The following LRRC37A2 variants were observed in gnomAD, a reference collection of about 807,000 sequenced individuals.
The protein encoded by LRRC37A2 is leucine rich repeat containing 37 member A2.
In LRRC37A2, 9 loss-of-function variants were observed where a neutral mutation model predicts 68.8. The ratio of observed to expected loss-of-function variants is 0.13; its 90% CI spans 0.08 to 0.23. LRRC37A2 has a LOEUF of 0.23. LRRC37A2 is among the 10% of genes least tolerant of loss of function. LRRC37A2 has a pLI of 1.00. For missense variants in LRRC37A2, 168 were observed against 950.4 expected (o/e 0.18, Z 10.82); for synonymous variants, 63 against 367.6 (o/e 0.17, Z 9.48).
At chr17:46,782,656 A>C in the LRRC37A2 span, among the ~76,000 whole-genome samples, 1 of 152,184 alleles carries the variant, frequency 6.6e-6, no homozygotes, top group Non-Finnish European at 1.5e-5. Flanking sequence ...ATGTGTGCAC[A>C]CCGTGGGGCT....
chr17:46,814,911 C>T, the LRRC37A2 span, among the ~76,000 whole-genome samples: 3 of 152,136 alleles, frequency 2.0e-5, no homozygotes, highest in South Asian at 2.1e-4. Context: ...CCTGGGATGG[C>T]GAGAACTCAG....
At chr17:46,907,381 C>T in the LRRC37A2 span, among the ~76,000 whole-genome samples, 1 of 151,724 alleles carries the variant, frequency 6.6e-6, no homozygotes, top group Non-Finnish European at 1.5e-5. Context: ...AGTGAGTACT[C>T]GGGGCACCTG....
At chr17:46,781,228 C>G in the LRRC37A2 span, among the ~76,000 whole-genome samples, 3 of 52,336 alleles carry the variant, frequency 5.7e-5, no homozygotes, top group African/African-American at 2.8e-4. Context: ...TCTGTCCCCC[C>G]AACCAAAAAA....
At chr17:47,020,781 C>CAAAAAAAAAAAAAAAAAAAAAAAAAAA in the LRRC37A2 span, among the ~76,000 whole-genome samples, 11 of 20,110 alleles carry the variant, frequency 5.5e-4, no homozygotes, top group East Asian at 9.3e-4. Flanking sequence ...GACTCCATCT[C>CAAAAAAAAAAAAAAAAAAAAAAAAAAA]AAAAAAAAAA....
At chr17:46,492,929 C>T in the LRRC37A2 span, among the ~76,000 whole-genome samples, 15 of 149,218 alleles carry the variant, frequency 1.0e-4, 1 homozygote, top group Admixed American at 6.6e-4. Flanking sequence ...ATCCTGACCT[C>T]GTGATCCGCC....
the LRRC37A2 span, among the ~76,000 whole-genome samples, chr17:46,862,741 C>T: frequency 6.6e-6 from 1 of 152,166 alleles, no homozygotes; most frequent in Admixed American, 6.5e-5. Flanking sequence ...TACCACCACA[C>T]CTGGCTAATT....
At chr17:46,908,608 C>T in the LRRC37A2 span, among the ~76,000 whole-genome samples, 1 of 152,264 alleles carries the variant, frequency 6.6e-6, no homozygotes, top group East Asian at 1.9e-4. Flanking sequence ...CAGCTGTGGA[C>T]TTCTGCAGAG....
chr17:46,493,765 C>T, the LRRC37A2 span, among the ~76,000 whole-genome samples: 1 of 149,624 alleles, frequency 6.7e-6, no homozygotes, highest in Non-Finnish European at 1.5e-5. Context: ...TCTTGATCTC[C>T]TGACCTTGTG....
intron 6 of LRRC37A2, among the ~76,000 whole-genome samples, chr17:46,535,012 G>A (rs562210450): frequency 1.3e-3 from 188 of 150,048 alleles, no homozygotes; most frequent in Non-Finnish European, 2.2e-3. Context: ...AGACAGGGTC[G>A]CGGCCGGGCA....
At chr17:46,699,430 TTCTC>T in the LRRC37A2 span, among the ~76,000 whole-genome samples, 2 of 152,086 alleles carry the variant, frequency 1.3e-5, no homozygotes, top group Non-Finnish European at 2.9e-5. Context: ...CACACACACT[TTCTC>T]TCACATACAC....
chr17:46,621,816 CTG>C, the LRRC37A2 span, among the ~76,000 whole-genome samples: 4 of 120,906 alleles, frequency 3.3e-5, no homozygotes, highest in Non-Finnish European at 7.2e-5. Flanking sequence ...ACCCCACACA[CTG>C]TATTTGTCCT....
chr17:46,822,653 C>T, the LRRC37A2 span, among the ~76,000 whole-genome samples: 3 of 152,208 alleles, frequency 2.0e-5, no homozygotes, highest in Non-Finnish European at 2.9e-5. Context: ...TAAGCAGGTG[C>T]CCTCCTGAGT....
the LRRC37A2 span, among the ~76,000 whole-genome samples, chr17:46,788,965 G>A: frequency 6.6e-6 from 1 of 152,244 alleles, no homozygotes; most frequent in Non-Finnish European, 1.5e-5. Context: ...CAGCCCAGTG[G>A]GGAACACACA....
At chr17:46,915,666 T>C in the LRRC37A2 span, among the ~76,000 whole-genome samples, 373 of 152,368 alleles carry the variant, frequency 2.4e-3, no homozygotes, top group African/African-American at 8.7e-3. Context: ...ATATTCTAAG[T>C]TCTCTTCAGT....
the LRRC37A2 span, chr17:46,851,785 C>A: frequency 1.3e-6 from 1 of 790,288 alleles, no homozygotes; most frequent in Non-Finnish European, 1.7e-6. This position sits in a 1 kb window ranked among gnomAD's most constrained non-coding sequence, Gnocchi z 4.3. Context: ...TACAGCTGGG[C>A]CAATTTTTCC....
the LRRC37A2 span, among the ~76,000 whole-genome samples, chr17:46,712,956 A>G: frequency 1.3e-5 from 2 of 152,214 alleles, no homozygotes; most frequent in African/African-American, 2.4e-5. Context: ...GTTTGATGAC[A>G]TGGAGATCAT....
chr17:46,855,526 C>A, the LRRC37A2 span, among the ~76,000 whole-genome samples: 2 of 152,300 alleles, frequency 1.3e-5, no homozygotes, highest in African/African-American at 4.8e-5. Context: ...TTCCCTAATG[C>A]TAACAGGGCT....
chr17:46,711,002 A>G, the LRRC37A2 span: 1 of 1,597,602 alleles, frequency 6.3e-7, no homozygotes, highest in Non-Finnish European at 8.5e-7. Context: ...AAGTTACATT[A>G]TGAACGGTAT....
the LRRC37A2 span, among the ~76,000 whole-genome samples, chr17:46,881,671 C>T: frequency 5.7e-3 from 866 of 152,276 alleles, 8 homozygotes; most frequent in African/African-American, 0.02. Flanking sequence ...TCCAGCTGCT[C>T]AATGCCACCA....
Sources: allele counts gnomAD v4.1 joint callset (sites outside exome capture counted in the v4.1 genomes callset), GRCh38; gene constraint gnomAD v4.1.1; non-coding constraint Gnocchi (gnomAD v3.1); transcripts MANE v1.5; gene names NCBI Gene and HGNC (gene_info 2026-07-23, HGNC 2026-07-21).